Variants in MIPOL1 observed in about 807,000 individuals in gnomAD.
The protein encoded by MIPOL1 is mirror-image polydactyly gene 1 protein.
MIPOL1 carries 57 observed loss-of-function variants against 60.9 expected under a neutral mutation model. The ratio of observed to expected loss-of-function variants is 0.94; its 90% CI spans 0.76 to 1.17. The LOEUF is 1.17. Among genes scored for constraint, MIPOL1 ranks in the 50% most tolerant of loss-of-function variants. MIPOL1 has a pLI of 0.00. For synonymous variants in MIPOL1, 179 were observed against 168.8 expected (o/e 1.06, Z -0.47); for missense variants, 551 against 511.6 (o/e 1.08, Z -0.74).
At chr14:37,300,086 A>G (rs1459407127) in intron 7 of MIPOL1, among the ~76,000 whole-genome samples, 2 of 151,934 alleles carry the variant, frequency 1.3e-5, no homozygotes, top group East Asian at 4.0e-4. Context: ...AATAGGATTT[A>G]CTATCAGTAA....
At chr14:37,378,084 T>C (rs915762509) in intron 10 of MIPOL1, among the ~76,000 whole-genome samples, 1 of 152,152 alleles carries the variant, frequency 6.6e-6, no homozygotes, top group South Asian at 2.1e-4. Flanking sequence ...CTTTCATACA[T>C]TGCTGTTAGG....
intron 1 of MIPOL1, among the ~76,000 whole-genome samples, chr14:37,207,567 A>G (rs1247616648): frequency 6.6e-6 from 1 of 151,854 alleles, no homozygotes; most frequent in Non-Finnish European, 1.5e-5. Context: ...ATTTTTTGAG[A>G]TGGAGTCTCT....
intron 1 of MIPOL1, among the ~76,000 whole-genome samples, chr14:37,209,965 A>G (rs1966669967): frequency 6.6e-6 from 1 of 151,192 alleles, no homozygotes; most frequent in Non-Finnish European, 1.5e-5. Context: ...CCCACCTTGG[A>G]CTCTCAAAGT....
intron 11 of MIPOL1, among the ~76,000 whole-genome samples, chr14:37,460,116 T>TAATAATAAA (rs1238628349): frequency 7.9e-6 from 1 of 126,202 alleles, no homozygotes; most frequent in Non-Finnish European, 1.8e-5. Context: ...ATAATAATAA[T>TAATAATAAA]AAAATTCTAG....
At chr14:37,523,340 G>A (rs921658912) in intron 12 of MIPOL1, 13 of 319,384 alleles carry the variant, frequency 4.1e-5, no homozygotes, top group Non-Finnish European at 6.3e-5. Context: ...TTTTTTAAAT[G>A]GTGATCTAGG....
chr14:37,533,748 A>G (rs557241498), intron 12 of MIPOL1, among the ~76,000 whole-genome samples: 1 of 152,296 alleles, frequency 6.6e-6, no homozygotes, highest in East Asian at 1.9e-4. Context: ...TTTTTCCTAC[A>G]TTCTGTCACA....
intron 9 of MIPOL1, among the ~76,000 whole-genome samples, chr14:37,365,242 A>G (rs1476686051): frequency 1.3e-5 from 2 of 152,134 alleles, no homozygotes; most frequent in South Asian, 2.1e-4. Context: ...TTCCAGTACT[A>G]TGTTGAATAA....
Position 37,545,712 on chromosome 14 carries a change from A to G in MIPOL1, c.1263-1193A>G, listed in dbSNP as rs947236038. ...ATCCAATAAACTTCAGCTAGTTTTC[A>G]GCATTATATGCAGTTGATTTGTCCA... On this transcript the variant is annotated intron_variant, in intron 12 of 12. Transcript: ENST00000684589. 4 of 652,292 alleles carry G rather than the reference A, an allele frequency of 6.1e-6. No individual in the cohort carries two copies. In the African/African-American group the frequency reaches 7.3e-5, roughly 12 times the overall value. The allele number at this position is 652,292 out of a possible 1,614,324, so 40.4% of individuals were successfully genotyped here.
At position 37,482,711 on chromosome 14, in the gene MIPOL1, C is replaced by A. The variant is rs549052895; in HGVS notation, c.1032-17197C>A. Among the ~76,000 whole-genome samples the A allele has an allele frequency of 1.7e-4, 26 of 152,296 alleles. No homozygotes were observed. In the South Asian group the frequency reaches 5.4e-3, roughly 32 times the overall value. The stretch of plus-strand genomic sequence containing the variant: ...CTCTCACCAGGTTCCTCCCTCGACA[C>A]CTGAATTGCAATTCAAGATGAGATT... On this transcript the variant is annotated intron_variant, in intron 11 of 12. Transcript: ENST00000684589.
At chr14:37,306,649 GTTAAA>G (rs1361701443) in intron 7 of MIPOL1, among the ~76,000 whole-genome samples, 4 of 151,672 alleles carry the variant, frequency 2.6e-5, no homozygotes, top group African/African-American at 9.7e-5. Flanking sequence ...ATTACTGCTG[GTTAAA>G]TGCCACTCAT....
chr14:37,268,372 T>C (rs2083035838), intron 4 of MIPOL1, among the ~76,000 whole-genome samples: 1 of 152,154 alleles, frequency 6.6e-6, no homozygotes, highest in Non-Finnish European at 1.5e-5. Flanking sequence ...GAGATTGGGC[T>C]AAAGTCAGAT....
chr14:37,335,777 T>G (rs1286245535), intron 9 of MIPOL1, among the ~76,000 whole-genome samples: 1 of 152,122 alleles, frequency 6.6e-6, no homozygotes, highest in Non-Finnish European at 1.5e-5. Context: ...TAAGCTGGAT[T>G]TGTTATTGTT....
Position 37,223,664 on chromosome 14 carries a change from G to A in MIPOL1, c.-198-23439G>A, listed in dbSNP as rs188667461. 2.6e-4 allele frequency among the ~76,000 whole-genome samples: 40 copies of A among 151,866 alleles called. No homozygotes were observed. In the East Asian group the frequency reaches 3.3e-3, roughly 13 times the overall value. On this transcript the variant is annotated intron_variant, in intron 1 of 12. Coordinates refer to ENST00000684589, the MANE Select transcript of MIPOL1 (RefSeq NM_001388067.1). ...ATTACAGGCATGTACCACCACGCCC[G>A]GCTAATTTTTTGTATTTTTAGTAGA...
chr14:37,299,399 CTGCACG>C (rs1369114709), intron 7 of MIPOL1, among the ~76,000 whole-genome samples: 1 of 151,910 alleles, frequency 6.6e-6, no homozygotes, highest in Non-Finnish European at 1.5e-5. Flanking sequence ...TGTAACAAAC[CTGCACG>C]TTGTGCACAT....
At chr14:37,402,346 A>G (rs17106729) in intron 10 of MIPOL1, among the ~76,000 whole-genome samples, 3,365 of 152,258 alleles carry the variant, frequency 0.022, 136 homozygotes, top group African/African-American at 0.077. Context: ...GTACCCCAAA[A>G]TGCATATAAA....
At chr14:37,519,333 A>G (rs114137582) in intron 12 of MIPOL1, among the ~76,000 whole-genome samples, 146 of 152,232 alleles carry the variant, frequency 9.6e-4, no homozygotes, top group African/African-American at 3.5e-3. Flanking sequence ...TCACTCATGT[A>G]TTCTGTGCTT....
chr14:37,224,878 C>A (rs1263495253), intron 1 of MIPOL1, among the ~76,000 whole-genome samples: 1 of 152,108 alleles, frequency 6.6e-6, no homozygotes, highest in Non-Finnish European at 1.5e-5. Context: ...AAATCGAAAG[C>A]AAATTAGTTA....
chr14:37,501,901 G>A (rs1257721111), intron 12 of MIPOL1: 1 of 152,312 alleles, frequency 6.6e-6, no homozygotes, highest in African/African-American at 2.4e-5. Flanking sequence ...CCCAAATACT[G>A]TGCTTTTCCC....
chr14:37,207,402 C>T (rs1044416733), intron 1 of MIPOL1, among the ~76,000 whole-genome samples: 1 of 152,220 alleles, frequency 6.6e-6, no homozygotes, highest in African/African-American at 2.4e-5. Context: ...TGCAAATTGC[C>T]TAGTCTTGGG....
Sources: gnomAD v4.1 joint callset for allele counts (sites outside exome capture counted in the v4.1 genomes callset) on GRCh38, gnomAD v4.1.1 for gene constraint, MANE v1.5 for transcripts, NCBI Gene and HGNC (gene_info 2026-07-23, HGNC 2026-07-21) for gene names.